The following FKBP5 variants were observed in gnomAD, a reference collection of about 807,000 sequenced individuals.
FKBP5 encodes the protein peptidyl-prolyl cis-trans isomerase FKBP5.
Under a neutral mutation model 50.5 loss-of-function variants are expected in FKBP5, and 23 were observed. The ratio of observed to expected loss-of-function variants is 0.46; its 90% CI spans 0.33 to 0.65. The LOEUF is 0.65. Ranked by LOEUF, FKBP5 falls within the 30% of genes least tolerant of loss-of-function variation. The probability of loss-of-function intolerance (pLI) is 0.02; values close to 1 mark genes in which losing one functional copy is unlikely to be tolerated. For missense variants in FKBP5, 411 were observed against 553.1 expected (o/e 0.74, Z 2.58); for synonymous variants, 176 against 190.6 (o/e 0.92, Z 0.63).
chr6:35,726,995 A>G (rs1266596174), intron 1 of FKBP5, among the ~76,000 whole-genome samples: 3 of 152,170 alleles, frequency 2.0e-5, no homozygotes, highest in African/African-American at 7.2e-5. Flanking sequence ...AAAGGTACAA[A>G]CTGAGTGTGC....
At chr6:35,610,567 CAAAAA>C (rs35101873) in intron 5 of FKBP5, among the ~76,000 whole-genome samples, 3 of 58,618 alleles carry the variant, frequency 5.1e-5, no homozygotes, top group Admixed American at 3.0e-4. Context: ...GACTCCGTCT[CAAAAA>C]AAAAAAAAAA....
chr6:35,607,539 CA>C (rs1763360727), intron 5 of FKBP5: 1 of 152,250 alleles, frequency 6.6e-6, no homozygotes, highest in Non-Finnish European at 1.5e-5. Context: ...ATAGCAAAGA[CA>C]CGGAGTCAAC....
chr6:35,656,826 G>A (rs1764962408), intron 1 of FKBP5, among the ~76,000 whole-genome samples: 1 of 151,648 alleles, frequency 6.6e-6, no homozygotes, highest in South Asian at 2.1e-4. Context: ...GAACCCGGGA[G>A]GTGGAGGTTG....
intron 9 of FKBP5, among the ~76,000 whole-genome samples, chr6:35,577,796 C>T (rs964176623): frequency 4.6e-5 from 7 of 152,090 alleles, no homozygotes; most frequent in Admixed American, 3.3e-4. Context: ...TGGTTCACAC[C>T]CTAATCCCAG....
chr6:35,679,365 A>G (rs1765607183), intron 1 of FKBP5, among the ~76,000 whole-genome samples: 1 of 152,252 alleles, frequency 6.6e-6, no homozygotes, highest in Non-Finnish European at 1.5e-5. Context: ...CGACTGATCA[A>G]TTAAACACCA....
chr6:35,626,713 CAT>C, intron 3 of FKBP5, among the ~76,000 whole-genome samples: 1 of 152,172 alleles, frequency 6.6e-6, no homozygotes, highest in East Asian at 1.9e-4. Context: ...ATAGATAACT[CAT>C]ATAAGTGGAA....
intron 7 of FKBP5, 30 bp downstream of exon 7, chr6:35,591,100 A>G: frequency 1.4e-6 from 2 of 1,454,514 alleles, no homozygotes; most frequent in Non-Finnish European, 1.9e-6. Context: ...GAAACCTACC[A>G]TAATTTTAAG....
chr6:35,605,019 G>A (rs748173815), intron 5 of FKBP5, among the ~76,000 whole-genome samples: 1 of 152,068 alleles, frequency 6.6e-6, no homozygotes, highest in Non-Finnish European at 1.5e-5. Flanking sequence ...TCCTGACCTC[G>A]TGATCCACGT....
At chr6:35,583,418 A>C in intron 8 of FKBP5, 1 of 985,422 alleles carries the variant, frequency 1.0e-6, no homozygotes, top group Non-Finnish European at 1.2e-6. Flanking sequence ...CAGGTATTAG[A>C]CTTCTTAATA....
chr6:35,611,515 A>G (rs1468733202), intron 5 of FKBP5, among the ~76,000 whole-genome samples: 1 of 152,184 alleles, frequency 6.6e-6, no homozygotes, highest in Non-Finnish European at 1.5e-5. Flanking sequence ...ATGGGGGAAG[A>G]GTAACTGGTA....
At chr6:35,695,427 A>G (rs564808237) in intron 2 of FKBP5, among the ~76,000 whole-genome samples, 1 of 152,342 alleles carries the variant, frequency 6.6e-6, no homozygotes, top group Non-Finnish European at 1.5e-5. Context: ...TGGCCTCCCA[A>G]AGTGCTGGGA....
At chr6:35,579,164 ACT>A (rs111398353) in intron 9 of FKBP5, among the ~76,000 whole-genome samples, 2,568 of 147,772 alleles carry the variant, frequency 0.017, 20 homozygotes, top group African/African-American at 0.028. Context: ...GCGCGCACAC[ACT>A]CTCTCTCTCT....
rs1765076341 is a variant in FKBP5 at position 35,661,908 on chromosome 6, C to T, written c.-19-19065G>A. On this transcript the variant is annotated intron_variant, in intron 1 of 10. Coordinates refer to ENST00000357266, the MANE Select transcript of FKBP5 (RefSeq NM_004117.4). Reference sequence around the variant, plus strand: ...TGCCACAGTTTCCCTATCTAAAACACAAGGTTATCAGTTATCAACATCTCT... The same window carrying T: ...TGCCACAGTTTCCCTATCTAAAACATAAGGTTATCAGTTATCAACATCTCT... 1.5e-5 allele frequency among the ~76,000 whole-genome samples: 2 copies of T among 137,234 alleles called. 1 individual carries two copies. The highest frequency in any genetic ancestry group is 3.2e-5 in the Non-Finnish European group (2 of 63,464). The allele number at this position is 137,234 out of a possible 152,430, so 90.0% of individuals were successfully genotyped here. A position where few individuals can be genotyped will look rare whatever the true frequency, so the allele number is the denominator to read the frequency against.
At chr6:35,715,672 C>A (rs1195038137) in intron 2 of FKBP5, among the ~76,000 whole-genome samples, 1 of 152,236 alleles carries the variant, frequency 6.6e-6, no homozygotes, top group Non-Finnish European at 1.5e-5. Flanking sequence ...ACTTAACGTG[C>A]AGCTGGGGGC....
upstream of FKBP5, among the ~76,000 whole-genome samples, chr6:35,690,922 C>T (rs1338443825): frequency 6.6e-6 from 1 of 151,776 alleles, no homozygotes; most frequent in Non-Finnish European, 1.5e-5. Flanking sequence ...AGAAGAATCG[C>T]TTGAACCCGG....
At chr6:35,605,789 G>T in intron 5 of FKBP5, among the ~76,000 whole-genome samples, 1 of 152,148 alleles carries the variant, frequency 6.6e-6, no homozygotes, top group Non-Finnish European at 1.5e-5. Context: ...CTCCTATTCA[G>T]CATGGTACTG....
At chr6:35,627,832 G>A (rs973424114) in intron 3 of FKBP5, among the ~76,000 whole-genome samples, 1 of 151,590 alleles carries the variant, frequency 6.6e-6, no homozygotes, top group Non-Finnish European at 1.5e-5. Flanking sequence ...TGTGATCTTG[G>A]CTCACTGCAA....
chr6:35,620,558 A>G (rs1763802384), intron 3 of FKBP5, among the ~76,000 whole-genome samples: 1 of 150,266 alleles, frequency 6.7e-6, no homozygotes, highest in African/African-American at 2.4e-5. Flanking sequence ...GCAAGACCTC[A>G]TCTCTAAAAA....
At chr6:35,604,775 T>C (rs1485038646) in intron 5 of FKBP5, among the ~76,000 whole-genome samples, 3 of 152,136 alleles carry the variant, frequency 2.0e-5, no homozygotes, top group African/African-American at 7.2e-5. Context: ...ATTCTTGTCT[T>C]TGGTTTTCTA....
Sources: allele counts gnomAD v4.1 joint callset (sites outside exome capture counted in the v4.1 genomes callset), GRCh38; gene constraint gnomAD v4.1.1; transcripts MANE v1.5; gene names NCBI Gene and HGNC (gene_info 2026-07-23, HGNC 2026-07-21).